MX1: variants seen among roughly 807,000 people sequenced by gnomAD.
The protein encoded by MX1 is interferon-induced GTP-binding protein Mx1.
Under a neutral mutation model 66.4 loss-of-function variants are expected in MX1, and 66 were observed. The ratio of observed to expected loss-of-function variants is 0.99; its 90% CI spans 0.82 to 1.22. The LOEUF is 1.22. MX1 is among the 50% of genes most tolerant of loss of function. The pLI is 0.00. For synonymous variants in MX1, 311 were observed against 318.1 expected, an observed-to-expected ratio of 0.98 and a Z score of 0.24; for missense variants, 787 against 834.3, an observed-to-expected ratio of 0.94 and a Z score of 0.70.
Position 41,439,837 on chromosome 21 carries a change from A to T in MX1, c.580A>T (p.Ile194Phe), listed in dbSNP as rs369721165. 6 of 1,423,316 alleles carry T rather than the reference A, an allele frequency of 4.2e-6. No homozygotes were observed. The highest frequency in any genetic ancestry group is 1.5e-5 in the African/African-American group (1 of 67,744). The allele number at this position is 1,423,316 out of a possible 1,614,324, so 88.2% of individuals were successfully genotyped here. The change falls in exon 8 of 17, where the codon ATT (isoleucine) becomes TTT (phenylalanine). Residue 194 changes from isoleucine to phenylalanine, a missense_variant. By Grantham distance (21) the Ile-to-Phe change is conservative. Coordinates refer to ENST00000398598, the MANE Select transcript of MX1 (RefSeq NM_002462.5). ...RVAVGNQPAD[I>F]GYKIKTLIKK... ...GGCTGTGGGCAATCAGCCTGCTGAC[A>T]TTGGGTATAAGGTCAGACTTCAGAC...
At chr21:41,435,117 A>G (rs1466793006) in intron 5 of MX1, among the ~76,000 whole-genome samples, 1 of 152,184 alleles carries the variant, frequency 6.6e-6, no homozygotes, top group Non-Finnish European at 1.5e-5. Flanking sequence ...ATTGCTTCTG[A>G]TAAGATTGAC....
intron 14 of MX1, among the ~76,000 whole-genome samples, chr21:41,450,775 A>G (rs908726687): frequency 1.3e-5 from 2 of 151,990 alleles, no homozygotes; most frequent in Non-Finnish European, 2.9e-5. Context: ...TAAATTTTTT[A>G]ATCTAAGAGC....
In MX1 at chr21:41,443,859, A is replaced by G. The variant is rs2090585088; in HGVS notation, c.1001A>G (p.His334Arg). The G allele has an allele frequency of 1.2e-6, 2 of 1,614,202 alleles. No individual in the cohort carries two copies. The highest frequency in any genetic ancestry group is 1.7e-6 in the Non-Finnish European group (2 of 1,180,020). ...AEKLTSELIT[H>R]ICKSLPLLEN... ...AAACTTACCAGCGAGCTCATCACAC[A>G]TATCTGTGTAAGCACGGGCAGAGCT... Residue 334 changes from histidine (H) to arginine (R), a missense_variant, in exon 11 of 17, where the codon CAT becomes CGT. Physicochemically the swap from His to Arg is conservative, Grantham distance 29. Transcript: ENST00000398598.
intron 16 of MX1, among the ~76,000 whole-genome samples, chr21:41,457,698 T>TA (rs1384064048): frequency 6.6e-6 from 1 of 152,188 alleles, no homozygotes; most frequent in African/African-American, 2.4e-5. Context: ...TGTGCAGAAA[T>TA]ATTCATCATG....
chr21:41,451,294 T>C, intron 15 of MX1, 51 bp downstream of exon 15: 1 of 1,161,198 alleles, frequency 8.6e-7, no homozygotes. Flanking sequence ...GAAATTAAGC[T>C]TGACACTAGA....
intron 16 of MX1, 117 bp from the exon 17 acceptor site, chr21:41,458,411 C>A: frequency 8.1e-7 from 1 of 1,236,562 alleles, no homozygotes; most frequent in Non-Finnish European, 1.1e-6. Flanking sequence ...AAGGTCATTG[C>A]CCTGCGAGGG....
chr21:41,428,611 G>C (rs1601464408), intron 3 of MX1: 1 of 152,242 alleles, frequency 6.6e-6, no homozygotes, highest in South Asian at 2.1e-4. Context: ...TCGCTTTTGC[G>C]ATCCTCCACA....
Position 41,441,493 on chromosome 21 carries a change from G to A in MX1, c.731-223G>A. The A allele has an allele frequency of 1.7e-6, 1 of 584,294 alleles. No individual in the cohort carries two copies. The highest frequency in any genetic ancestry group is 3.0e-5 in the Admixed American group (1 of 33,568). The allele number at this position is 584,294 out of a possible 1,614,324, so 36.2% of individuals were successfully genotyped here. The stretch of plus-strand genomic sequence containing the variant: ...GGACCCGGGTGAAGGAGCTTGGGGA[G>A]AGCCACATGCTGTTCTGGGAGGCAT... On this transcript the variant is annotated intron_variant, in intron 9 of 16. Transcript: ENST00000398598. This position sits in a 1 kb window ranked among gnomAD's most constrained non-coding sequence, Gnocchi z 4.0.
At chr21:41,435,716 G>A in intron 5 of MX1, 121 bp from the exon 6 acceptor site, 1 of 1,121,880 alleles carries the variant, frequency 8.9e-7, no homozygotes, top group Non-Finnish European at 1.3e-6. Flanking sequence ...TCTCTCCCTT[G>A]ACACGTAGGG....
In MX1 at chr21:41,436,880, G is replaced by T. The variant is rs1434167479; in HGVS notation, c.299-135G>T. 5.7e-6 allele frequency: 6 copies of T among 1,051,064 alleles called. No homozygotes were observed. In the East Asian group the frequency reaches 1.2e-4, roughly 21 times the overall value. 65.1% of individuals were successfully genotyped at this position (1,051,064 alleles called of 1,614,324 possible). ...CAGTGCGATGTCCCCGCATATCAGA[G>T]GGTAAGACCAGAAAGTTTCCAGTTT... On this transcript the variant is annotated intron_variant, in intron 6 of 16. Transcript: ENST00000398598.
chr21:41,436,935 G>C, intron 6 of MX1, 80 bp from the exon 7 acceptor site: 2 of 1,536,732 alleles, frequency 1.3e-6, no homozygotes, highest in South Asian at 2.4e-5. Context: ...TTGTATAAAA[G>C]TTTGAGAACC....
chr21:41,425,750 G>A (rs1298054815), upstream of MX1, among the ~76,000 whole-genome samples: 1 of 152,176 alleles, frequency 6.6e-6, no homozygotes, highest in Non-Finnish European at 1.5e-5. Flanking sequence ...AGATGGTATG[G>A]GTGTGCCTGG....
intron 11 of MX1, among the ~76,000 whole-genome samples, chr21:41,445,201 G>T (rs2090626271): frequency 6.6e-6 from 1 of 152,180 alleles, no homozygotes; most frequent in Non-Finnish European, 1.5e-5. Context: ...CATGCACAGT[G>T]GGTGCCACAG....
intron 10 of MX1, chr21:41,443,537 C>G: frequency 1.9e-6 from 1 of 514,808 alleles, no homozygotes; most frequent in Non-Finnish European, 3.5e-6. Flanking sequence ...TATAGTCAGA[C>G]ACCATGATAC....
At chr21:41,444,318 CTTTTTTT>C (rs11317486) in intron 11 of MX1, among the ~76,000 whole-genome samples, 2 of 71,526 alleles carry the variant, frequency 2.8e-5, no homozygotes, top group Admixed American at 2.0e-4. Context: ...TCTTTTCTTT[CTTTTTTT>C]TTTTTTTTTT....
chr21:41,457,231 C>G (rs771730949), intron 16 of MX1, among the ~76,000 whole-genome samples: 1 of 152,100 alleles, frequency 6.6e-6, no homozygotes, highest in African/African-American at 2.4e-5. Flanking sequence ...AGATAGTAGA[C>G]CTCTGCGATT....
rs2090344620 is a variant in MX1 at position 41,435,877 on chromosome 21, T to C, written c.146T>C (p.Val49Ala). 1 of 1,613,684 alleles carries C rather than the reference T, an allele frequency of 6.2e-7. No homozygotes were observed. Among genetic ancestry groups the C allele is most frequent in the Non-Finnish European group, 8.5e-7 (1 of 1,179,618 alleles). Reference sequence around the variant, plus strand: ...CTGTGCAGCCAGTATGAGGAGAAGGTGCGCCCCTGCATCGACCTCATTGAC... The same window carrying C: ...CTGTGCAGCCAGTATGAGGAGAAGGCGCGCCCCTGCATCGACCTCATTGAC... The part of the protein sequence containing the change: ...NNLCSQYEEK[V>A]RPCIDLIDSL... Residue 49 changes from valine (V) to alanine (A), a missense_variant, in exon 6 of 17, where the codon GTG becomes GCG. Physicochemically the swap from Val to Ala is moderately conservative, Grantham distance 64. Transcript: ENST00000398598.
chr21:41,445,328 A>G, intron 11 of MX1, 120 bp from the exon 12 acceptor site: 1 of 1,240,132 alleles, frequency 8.1e-7, no homozygotes, highest in Non-Finnish European at 1.1e-6. Flanking sequence ...GCTTCCTTTT[A>G]GAGGAAGCCA....
chr21:41,458,404 G>T lies in MX1; in HGVS notation c.1759-124G>T. 3 of 1,170,996 alleles carry T rather than the reference G, an allele frequency of 2.6e-6. No individual in the cohort carries two copies. The South Asian group carries it at 4.4e-5, about 17-fold the overall frequency. The allele number at this position is 1,170,996 out of a possible 1,614,324, so 72.5% of individuals were successfully genotyped here. The stretch of plus-strand genomic sequence containing the variant: ...TGATGGGTTTGAAACCCAGGGGAAG[G>T]TCATTGCCCTGCGAGGGTCTCCCTC... On this transcript the variant is annotated intron_variant, in intron 16 of 16. Transcript: ENST00000398598.
Sources: gnomAD v4.1 joint callset for allele counts (sites outside exome capture counted in the v4.1 genomes callset) on GRCh38, gnomAD v4.1.1 for gene constraint, Gnocchi (gnomAD v3.1) non-coding constraint, MANE v1.5 for transcripts, NCBI Gene and HGNC (gene_info 2026-07-23, HGNC 2026-07-21) for gene names.